Variants in GRHL2 observed in about 807,000 individuals in gnomAD.
GRHL2 encodes grainyhead like transcription factor 2.
Under a neutral mutation model 83.8 loss-of-function variants are expected in GRHL2, and 21 were observed. The observed-to-expected ratio is 0.25, with a 90% confidence interval of 0.18 to 0.36. The LOEUF (loss-of-function observed/expected upper bound fraction) is 0.36, where lower values mean the gene tolerates loss of function less well. Ranked by LOEUF, GRHL2 falls within the 10% of genes least tolerant of loss-of-function variation. The pLI is 1.00. For synonymous variants in GRHL2, 280 were observed against 278.9 expected (o/e 1.00, Z -0.04); for missense variants, 623 against 781.8 (o/e 0.80, Z 2.42).
intron 8 of GRHL2, among the ~76,000 whole-genome samples, chr8:101,608,526 G>A (rs955829878): frequency 1.3e-5 from 2 of 152,206 alleles, no homozygotes; most frequent in Non-Finnish European, 2.9e-5. Flanking sequence ...GTAATACAAG[G>A]TAGGTAAGTG....
intron 6 of GRHL2, among the ~76,000 whole-genome samples, chr8:101,575,034 C>T (rs1360547852): frequency 2.6e-5 from 4 of 152,204 alleles, no homozygotes. Flanking sequence ...GGGCGTCGGA[C>T]TCCTGAACCC....
At chr8:101,623,457 TTACAGTA>T (rs1813004041) in intron 9 of GRHL2, among the ~76,000 whole-genome samples, 2 of 143,806 alleles carry the variant, frequency 1.4e-5, no homozygotes, top group Admixed American at 6.9e-5. Flanking sequence ...GTAGGGCAGT[TTACAGTA>T]CACAGTAGGA....
chr8:101,545,472 A>T (rs1457811101), intron 2 of GRHL2, among the ~76,000 whole-genome samples: 1 of 109,064 alleles, frequency 9.2e-6, no homozygotes, highest in East Asian at 2.8e-4. Flanking sequence ...AAAAAAAAAA[A>T]GTCTGAAAAC....
chr8:101,496,365 A>G (rs1810105730), intron 1 of GRHL2, among the ~76,000 whole-genome samples: 1 of 152,176 alleles, frequency 6.6e-6, no homozygotes, highest in African/African-American at 2.4e-5. Flanking sequence ...TAGTTTTATA[A>G]ATGCATATGC....
At chr8:101,626,154 G>A (rs186265634) in intron 9 of GRHL2, among the ~76,000 whole-genome samples, 2 of 152,122 alleles carry the variant, frequency 1.3e-5, no homozygotes, top group East Asian at 3.9e-4. Flanking sequence ...TCAGGCAAAA[G>A]AGTTGAGGGC....
intron 1 of GRHL2, among the ~76,000 whole-genome samples, chr8:101,509,125 C>G (rs868031917): frequency 1.5e-5 from 1 of 65,386 alleles, no homozygotes; most frequent in African/African-American, 4.2e-5. Context: ...TTCCTTCCTT[C>G]CTTCCTTCCT....
intron 9 of GRHL2, among the ~76,000 whole-genome samples, chr8:101,622,289 T>A (rs1027425454): frequency 3.9e-5 from 6 of 152,132 alleles, no homozygotes; most frequent in Non-Finnish European, 7.4e-5. Flanking sequence ...GACTTTGAAG[T>A]ATAAAGACTG....
intron 14 of GRHL2, among the ~76,000 whole-genome samples, chr8:101,654,248 G>A (rs564290577): frequency 6.6e-6 from 1 of 152,296 alleles, no homozygotes; most frequent in South Asian, 2.1e-4. Context: ...AGAAACACCT[G>A]CTTCATATCA....
At chr8:101,672,668 G>A (rs1162405048), downstream of GRHL2, among the ~76,000 whole-genome samples, 1 of 151,804 alleles carries the variant, frequency 6.6e-6, no homozygotes, top group Non-Finnish European at 1.5e-5. Flanking sequence ...ATCTAGCAAG[G>A]CAGGCCAACG....
At chr8:101,511,657 T>G (rs1346300400) in intron 1 of GRHL2, among the ~76,000 whole-genome samples, 1 of 151,506 alleles carries the variant, frequency 6.6e-6, no homozygotes, top group African/African-American at 2.4e-5. Context: ...CCTCATCTTG[T>G]TTTTAGTTTT....
At chr8:101,537,826 G>A (rs534676609) in intron 1 of GRHL2, among the ~76,000 whole-genome samples, 30 of 152,270 alleles carry the variant, frequency 2.0e-4, no homozygotes, top group African/African-American at 7.2e-4. Flanking sequence ...CAATGTCCTT[G>A]TAGAAATGGA....
chr8:101,500,062 G>A (rs1324775013), intron 1 of GRHL2, among the ~76,000 whole-genome samples: 2 of 152,058 alleles, frequency 1.3e-5, no homozygotes, highest in Admixed American at 6.5e-5. Context: ...ACTCCAGAGT[G>A]AGACTCTGTC....
intron 2 of GRHL2, among the ~76,000 whole-genome samples, chr8:101,552,378 A>T (rs1380077994): frequency 6.6e-6 from 1 of 152,154 alleles, no homozygotes; most frequent in East Asian, 1.9e-4. Context: ...CCAAGTCTAG[A>T]TTCACCTCTG....
chr8:101,663,462 A>C (rs1813969126), intron 14 of GRHL2, among the ~76,000 whole-genome samples: 1 of 151,956 alleles, frequency 6.6e-6, no homozygotes, highest in South Asian at 2.1e-4. Context: ...AAATACAAAA[A>C]TTAGCCAGGT....
At chr8:101,599,404 A>T (rs1252600109) in intron 8 of GRHL2, among the ~76,000 whole-genome samples, 3 of 152,176 alleles carry the variant, frequency 2.0e-5, no homozygotes, top group Non-Finnish European at 4.4e-5. Flanking sequence ...TGGAGCTGGG[A>T]AGATGGGGCC....
At chr8:101,559,152 T>C (rs72674236) in intron 4 of GRHL2, among the ~76,000 whole-genome samples, 3,475 of 152,142 alleles carry the variant, frequency 0.023, 84 homozygotes, top group Non-Finnish European at 0.034. Context: ...CTTGATCTTT[T>C]CTAGTTTGTA....
At position 101,571,234 on chromosome 8, in the gene GRHL2, A is replaced by C. The variant is rs557631170; in HGVS notation, c.734+840A>C. On this transcript the variant is annotated intron_variant, in intron 5 of 15. Coordinates refer to ENST00000646743, the MANE Select transcript of GRHL2 (RefSeq NM_024915.4). ...GGGGTTGAGGGCAAATATTCACAGG[A>C]AGTGGCATTTGAGCTGCATCTTGAA... Among the ~76,000 whole-genome samples the C allele has an allele frequency of 2.6e-5, 4 of 152,308 alleles. No individual in the cohort carries two copies. The South Asian group carries it at 8.3e-4, about 32-fold the overall frequency.
chr8:101,555,611 CAT>C (rs1811474868), intron 3 of GRHL2, among the ~76,000 whole-genome samples: 2 of 152,088 alleles, frequency 1.3e-5, no homozygotes, highest in African/African-American at 4.8e-5. Context: ...TCAGATGAAA[CAT>C]AAATTCTAAA....
rs1285229771 is a variant in GRHL2 at position 101,559,351 on chromosome 8, T to TGCAAAAA, written c.678+539_678+540insGCAAAAA. ...GGTGAACTCCTGTCTCTACTAAAAATACAAAAAAAAAAAAAAAAAAAAAAA... is the reference window on the plus strand; with the variant it reads ...GGTGAACTCCTGTCTCTACTAAAAATGCAAAAAACAAAAAAAAAAAAAAAAAAAAAAA... On this transcript the variant is annotated intron_variant, in intron 4 of 15. Transcript: ENST00000646743. Among the ~76,000 whole-genome samples, 114 of 19,204 alleles carry TGCAAAAA rather than the reference T, an allele frequency of 5.9e-3. 7 individuals carry two copies. Among genetic ancestry groups the TGCAAAAA allele is most frequent in the African/African-American group, 8.9e-3 (81 of 9,098 alleles). 12.6% of individuals were successfully genotyped at this position (19,204 alleles called of 152,430 possible).
Sources: gnomAD v4.1 joint callset for allele counts (sites outside exome capture counted in the v4.1 genomes callset) on GRCh38, gnomAD v4.1.1 for gene constraint, MANE v1.5 for transcripts, NCBI Gene and HGNC (gene_info 2026-07-23, HGNC 2026-07-21) for gene names.